Variants in PGM1 observed in about 807,000 individuals in gnomAD.
The protein encoded by PGM1 is phosphoglucomutase-1.
In PGM1, 52 loss-of-function variants were observed where a neutral mutation model predicts 55.6. The ratio of observed to expected loss-of-function variants is 0.94; its 90% CI spans 0.75 to 1.18. The LOEUF is 1.18. Among genes scored for constraint, PGM1 ranks in the 50% most tolerant of loss-of-function variants. The pLI, the probability that PGM1 is intolerant of heterozygous loss-of-function variation, is 0.00. For synonymous variants in PGM1, 287 were observed against 271.7 expected, an observed-to-expected ratio of 1.06 and a Z score of -0.55; for missense variants, 724 against 729.3, an observed-to-expected ratio of 0.99 and a Z score of 0.08.
intron 1 of PGM1, among the ~76,000 whole-genome samples, chr1:63,618,609 CTTAATT>C (rs1360966294): frequency 6.6e-6 from 1 of 152,040 alleles, no homozygotes; most frequent in East Asian, 1.9e-4. Context: ...CATCTGTACA[CTTAATT>C]TTAAGAGAGT....
At chr1:63,627,064 C>T (rs201050377) in intron 1 of PGM1, among the ~76,000 whole-genome samples, 6 of 130,782 alleles carry the variant, frequency 4.6e-5, no homozygotes, top group African/African-American at 5.8e-5. Flanking sequence ...CCCCCCCCCC[C>T]CCACACACAC....
intron 7 of PGM1, among the ~76,000 whole-genome samples, chr1:63,639,522 C>T (rs1224502371): frequency 6.6e-6 from 1 of 151,996 alleles, no homozygotes; most frequent in Non-Finnish European, 1.5e-5. Flanking sequence ...CTGCCTGTAT[C>T]AGTCTCTCTT....
intron 1 of PGM1, among the ~76,000 whole-genome samples, chr1:63,611,669 C>A (rs1441687344): frequency 1.3e-5 from 2 of 152,130 alleles, no homozygotes; most frequent in Non-Finnish European, 2.9e-5. Flanking sequence ...CTTTGGGAGG[C>A]CAAGGCAGGC....
rs543997524 is a variant in PGM1 at position 63,636,340 on chromosome 1, G to C, written c.980G>C (p.Gly327Ala). 2 of 1,614,096 alleles carry C rather than the reference G, an allele frequency of 1.2e-6. No homozygotes were observed. Among genetic ancestry groups the C allele is most frequent in the Admixed American group, 1.7e-5 (1 of 60,010 alleles). The change falls in exon 6 of 11, where the codon GGG becomes GCG. Residue 327 changes from glycine to alanine, a missense_variant. Gly to Ala is a moderately conservative substitution (Grantham distance 60). This residue lies in a region of PGM1 where 316 missense variants were observed against 313.1 expected (regional missense o/e 1.01). Coordinates refer to ENST00000371084, the MANE Select transcript of PGM1 (RefSeq NM_002633.3). ...AGCATTCCGTATTTCCAGCAGACTG[G>C]GGTCCGCGGCTTTGCACGGAGCATG... The part of the protein sequence containing the change: ...IFSIPYFQQT[G>A]VRGFARSMPT...
chr1:63,609,001 T>G lies in PGM1; in HGVS notation c.246+15267T>G, dbSNP rs143684918. On this transcript the variant is annotated intron_variant, in intron 1 of 10. Coordinates refer to ENST00000371084, the MANE Select transcript of PGM1 (RefSeq NM_002633.3). Reference sequence around the variant, plus strand: ...ATGATTCTATGATTATTATGATTATTCCAAATACTGAGGCCATTGGAAGGC... The same window carrying G: ...ATGATTCTATGATTATTATGATTATGCCAAATACTGAGGCCATTGGAAGGC... 2.9e-4 allele frequency among the ~76,000 whole-genome samples: 44 copies of G among 152,304 alleles called. No individual in the cohort carries two copies. In the East Asian group the frequency reaches 6.6e-3, roughly 23 times the overall value.
At chr1:63,632,741 G>A (rs959201066) in intron 4 of PGM1, among the ~76,000 whole-genome samples, 5 of 152,158 alleles carry the variant, frequency 3.3e-5, no homozygotes, top group Non-Finnish European at 7.4e-5. Flanking sequence ...GGTCGGGCGC[G>A]GTGGCTCACA....
At chr1:63,600,247 G>A (rs1229014675) in intron 1 of PGM1, 1 of 151,964 alleles carries the variant, frequency 6.6e-6, no homozygotes, top group East Asian at 1.9e-4. Flanking sequence ...TTTCTTTCTT[G>A]GCTTCACTAA....
In PGM1 at chr1:63,629,956, G is replaced by A; in HGVS notation, c.424G>A (p.Ala142Thr). The A allele has an allele frequency of 1.2e-6, 2 of 1,614,044 alleles. No individual in the cohort carries two copies. Among genetic ancestry groups the A allele is most frequent in the Non-Finnish European group, 1.7e-6 (2 of 1,179,948 alleles). ...NISNGGPAPEAITDKIFQISK... is the reference protein window; with the variant it reads ...NISNGGPAPETITDKIFQISK... The stretch of plus-strand genomic sequence containing the variant: ...TTGGTTTCCAGGTCCTGCTCCAGAA[G>A]CAATAACTGATAAAATTTTCCAAAT... The change falls in exon 3 of 11, where the codon GCA becomes ACA. Residue 142 changes from alanine to threonine, a missense_variant. By Grantham distance (58) the Ala-to-Thr change is moderately conservative. Transcript: ENST00000371084.
intron 1 of PGM1, among the ~76,000 whole-genome samples, chr1:63,614,421 G>C (rs1648652897): frequency 6.6e-6 from 1 of 152,176 alleles, no homozygotes; most frequent in Non-Finnish European, 1.5e-5. Flanking sequence ...TTGAGGCCAA[G>C]AGAGAATGCC....
At chr1:63,594,971 A>AAAAG (rs1553177037) in intron 1 of PGM1, among the ~76,000 whole-genome samples, 22 of 146,978 alleles carry the variant, frequency 1.5e-4, no homozygotes, top group East Asian at 2.0e-4. Flanking sequence ...AAAAAAAAAA[A>AAAAG]AAAAGAAAAA....
intron 1 of PGM1, among the ~76,000 whole-genome samples, chr1:63,624,473 G>T (rs1207879533): frequency 6.6e-6 from 1 of 152,220 alleles, no homozygotes; most frequent in Non-Finnish European, 1.5e-5. Flanking sequence ...AAGGAATATT[G>T]TACCAGAACG....
At chr1:63,600,306 A>G (rs1243311766) in intron 1 of PGM1, 1 of 152,176 alleles carries the variant, frequency 6.6e-6, no homozygotes, top group African/African-American at 2.4e-5. Context: ...ATCAAATCTA[A>G]TGCTCATGAA....
chr1:63,594,514 A>G (rs1320928844), intron 1 of PGM1, among the ~76,000 whole-genome samples: 1 of 152,090 alleles, frequency 6.6e-6, no homozygotes, highest in Non-Finnish European at 1.5e-5. Flanking sequence ...GCAAGCAAGC[A>G]GTCGTGGCAG....
Position 63,634,885 on chromosome 1 carries a change from T to G in PGM1, c.739T>G (p.Ser247Ala). 6.3e-7 allele frequency: 1 copy of G among 1,579,198 alleles called. No individual in the cohort carries two copies. Among genetic ancestry groups the G allele is most frequent in the Non-Finnish European group, 8.6e-7 (1 of 1,163,646 alleles). Residue 247 changes from serine (S) to alanine (A), a missense_variant, in exon 5 of 11, where the codon TCG (serine) becomes GCG (alanine). Coordinates refer to ENST00000371084, the MANE Select transcript of PGM1 (RefSeq NM_002633.3). ...TGAAGAACTCGGTGCCCCTGCGAAC[T>G]CGGCAGTTAACTGCGTTCCTCTGGA... Reference protein sequence around the residue: ...LCEELGAPANSAVNCVPLEDF... With the variant: ...LCEELGAPANAAVNCVPLEDF...
chr1:63,611,256 A>T (rs370792100), intron 1 of PGM1, among the ~76,000 whole-genome samples: 4 of 152,234 alleles, frequency 2.6e-5, no homozygotes, highest in Admixed American at 1.3e-4. Context: ...GTCCTGAAGG[A>T]TGATAAAGAG....
At chr1:63,598,547 T>C (rs751272571) in intron 1 of PGM1, among the ~76,000 whole-genome samples, 2 of 152,208 alleles carry the variant, frequency 1.3e-5, no homozygotes, top group Non-Finnish European at 2.9e-5. Flanking sequence ...TTATTGATGA[T>C]AAATTCCTAG....
chr1:63,600,730 CAG>C (rs1408608347), intron 1 of PGM1, among the ~76,000 whole-genome samples: 4 of 152,028 alleles, frequency 2.6e-5, no homozygotes, highest in Non-Finnish European at 5.9e-5. Flanking sequence ...GACTTCCAGA[CAG>C]AGGAAGAGTT....
intron 1 of PGM1, among the ~76,000 whole-genome samples, chr1:63,614,736 G>A (rs779479202): frequency 3.3e-5 from 5 of 151,784 alleles, no homozygotes; most frequent in South Asian, 4.1e-4. Context: ...ACCTGACCTC[G>A]GACAGATGAC....
chr1:63,640,293 G>C (rs1356496501), intron 7 of PGM1, among the ~76,000 whole-genome samples: 1 of 152,166 alleles, frequency 6.6e-6, no homozygotes, highest in Non-Finnish European at 1.5e-5. Flanking sequence ...TAAAAGTCTA[G>C]AGTCAGGTTT....
Sources: gnomAD v4.1 joint callset for allele counts (sites outside exome capture counted in the v4.1 genomes callset) on GRCh38, gnomAD v4.1.1 for gene constraint, gnomAD v4.1.1 regional missense constraint, MANE v1.5 for transcripts, NCBI Gene and HGNC (gene_info 2026-07-23, HGNC 2026-07-21) for gene names.